The following DCC variants were observed in gnomAD, a reference collection of about 807,000 sequenced individuals.
DCC encodes DCC netrin 1 receptor, also known as netrin receptor DCC.
A neutral mutation model predicts 172.5 loss-of-function variants in DCC; 58 were observed. The observed-to-expected ratio is 0.34, with a 90% CI of 0.27 to 0.42. The LOEUF (loss-of-function observed/expected upper bound fraction) is 0.42. DCC is among the 10% of genes least tolerant of loss of function. DCC has a pLI of 1.00. For synonymous variants in DCC, 709 were observed against 644.5 expected, an observed-to-expected ratio of 1.10 and a Z score of -1.52; for missense variants, 1,740 against 1,791.0, an observed-to-expected ratio of 0.97 and a Z score of 0.51.
At chr18:52,898,912 T>G (rs2039771106) in intron 2 of DCC, among the ~76,000 whole-genome samples, 1 of 152,092 alleles carries the variant, frequency 6.6e-6, no homozygotes, top group South Asian at 2.1e-4. Flanking sequence ...CACTGATAAC[T>G]TTGTTCCTGG....
rs557031286 is a variant in DCC at position 53,474,044 on chromosome 18, A to T, written c.3736+6034A>T. 2.6e-5 allele frequency among the ~76,000 whole-genome samples: 4 copies of T among 152,286 alleles called. No individual in the cohort carries two copies. In the South Asian group the frequency reaches 8.3e-4, roughly 32 times the overall value. On this transcript the variant is annotated intron_variant, in intron 25 of 28. Coordinates refer to ENST00000442544, the MANE Select transcript of DCC (RefSeq NM_005215.4). ...TTTTTGTTATTTTTGTAATTATCAG[A>T]TAACAACACATACATGGTTTTAAAC...
At chr18:52,773,511 TA>T (rs1358978779) in intron 2 of DCC, among the ~76,000 whole-genome samples, 1 of 74,502 alleles carries the variant, frequency 1.3e-5, no homozygotes, top group African/African-American at 3.2e-5. Flanking sequence ...TATATATCTA[TA>T]TCTATCTATT....
chr18:52,564,948 G>A (rs2033125829), intron 1 of DCC, among the ~76,000 whole-genome samples: 1 of 152,048 alleles, frequency 6.6e-6, no homozygotes, highest in African/African-American at 2.4e-5. Context: ...AAGCCAAGAA[G>A]CTGATCTCTC....
At chr18:53,439,921 C>A (rs545187489) in intron 22 of DCC, among the ~76,000 whole-genome samples, 3 of 150,924 alleles carry the variant, frequency 2.0e-5, no homozygotes, top group Non-Finnish European at 3.0e-5. Context: ...CCCGCCACTA[C>A]GCCCGGCTAA....
At chr18:52,879,791 A>AC (rs2039456996) in intron 2 of DCC, among the ~76,000 whole-genome samples, 1 of 152,150 alleles carries the variant, frequency 6.6e-6, no homozygotes, top group African/African-American at 2.4e-5. Context: ...GACAATAGGT[A>AC]AACAAATGGG....
At chr18:53,528,201 T>C (rs1350231881) in intron 28 of DCC, among the ~76,000 whole-genome samples, 1 of 152,140 alleles carries the variant, frequency 6.6e-6, no homozygotes, top group Non-Finnish European at 1.5e-5. Flanking sequence ...GAACAATACA[T>C]TTTTCTTGAC....
At position 52,752,069 on chromosome 18, in the gene DCC, C is replaced by T. The variant is rs755736951; in HGVS notation, c.107C>T (p.Ala36Val). 3 of 1,614,066 alleles carry T rather than the reference C, an allele frequency of 1.9e-6. No homozygotes were observed. The highest frequency in any genetic ancestry group is 2.2e-5 in the South Asian group (2 of 91,070). The change falls in exon 2 of 29, where the codon GCT (alanine) becomes GTT (valine). Residue 36 changes from alanine (A) to valine (V), a missense_variant. Transcript: ENST00000442544. The stretch of plus-strand genomic sequence containing the variant: ...CTTGTTCCAGGTTTTCAAATTAAAG[C>T]TTTCACAGCACTGCGCTTCCTCTCA... The part of the protein sequence containing the change: ...HLQVTGFQIK[A>V]FTALRFLSEP...
chr18:52,497,260 CAAAAAAAAAA>C (rs111476286), intron 1 of DCC, among the ~76,000 whole-genome samples: 4 of 53,940 alleles, frequency 7.4e-5, no homozygotes, highest in African/African-American at 1.3e-4. Flanking sequence ...GACCCTGTAT[CAAAAAAAAAA>C]AAAAAAAAAA....
intron 27 of DCC, among the ~76,000 whole-genome samples, chr18:53,506,798 C>T (rs1418233795): frequency 6.7e-6 from 1 of 150,022 alleles, no homozygotes; most frequent in Non-Finnish European, 1.5e-5. Context: ...GCAGAGGTTG[C>T]AGTGAGCCAA....
At chr18:53,101,024 T>C (rs2043165070) in intron 7 of DCC, among the ~76,000 whole-genome samples, 1 of 152,146 alleles carries the variant, frequency 6.6e-6, no homozygotes, top group Non-Finnish European at 1.5e-5. Context: ...TTCATCTTGT[T>C]CCACACAATT....
At chr18:52,975,937 G>A (rs979228435) in intron 5 of DCC, among the ~76,000 whole-genome samples, 2 of 152,144 alleles carry the variant, frequency 1.3e-5, no homozygotes, top group Non-Finnish European at 1.5e-5. Flanking sequence ...TCACCACGCT[G>A]TCCTTCACAA....
At chr18:52,660,543 A>G (rs1226135171) in intron 1 of DCC, among the ~76,000 whole-genome samples, 1 of 152,208 alleles carries the variant, frequency 6.6e-6, no homozygotes, top group Admixed American at 6.5e-5. Flanking sequence ...CTGAGGGAGT[A>G]GAGTCCCCTG....
intron 1 of DCC, among the ~76,000 whole-genome samples, chr18:52,479,670 C>T (rs2029882265): frequency 6.7e-6 from 1 of 148,258 alleles, no homozygotes; most frequent in Non-Finnish European, 1.5e-5. Context: ...TGATTGTTAG[C>T]TAATCCATTC....
At chr18:53,116,386 G>A (rs181837551) in intron 7 of DCC, among the ~76,000 whole-genome samples, 1 of 151,848 alleles carries the variant, frequency 6.6e-6, no homozygotes, top group African/African-American at 2.4e-5. Flanking sequence ...AAGTGACAAA[G>A]TCATCTAGTT....
At chr18:53,095,002 A>G (rs979423486) in intron 7 of DCC, among the ~76,000 whole-genome samples, 2 of 152,158 alleles carry the variant, frequency 1.3e-5, no homozygotes, top group Non-Finnish European at 2.9e-5. Flanking sequence ...CTATTACTAC[A>G]CATTTTGAGA....
chr18:52,602,614 G>T lies in DCC; in HGVS notation c.92-149440G>T, dbSNP rs560462551. Among the ~76,000 whole-genome samples the T allele has an allele frequency of 2.3e-4, 35 of 151,876 alleles. 2 individuals are homozygous for T. The highest frequency in any genetic ancestry group is 3.4e-3 in the Middle Eastern group (1 of 292). On this transcript the variant is annotated intron_variant, in intron 1 of 28. Transcript: ENST00000442544. Reference sequence around the variant, plus strand: ...AGTAATATGCCTTTATTAAAATCACGTATATTCAACAATAAGTTGTCTCAT... The same window carrying T: ...AGTAATATGCCTTTATTAAAATCACTTATATTCAACAATAAGTTGTCTCAT...
chr18:53,149,743 G>A (rs545973255), intron 7 of DCC, among the ~76,000 whole-genome samples: 27 of 152,114 alleles, frequency 1.8e-4, no homozygotes, highest in African/African-American at 6.5e-4. Flanking sequence ...CCTTTTTTCT[G>A]AAAAGAGCTC....
chr18:52,663,503 G>T (rs889236746), intron 1 of DCC, among the ~76,000 whole-genome samples: 4 of 152,132 alleles, frequency 2.6e-5, no homozygotes, highest in Admixed American at 1.3e-4. Context: ...TTGTAGTTCT[G>T]TAGGGACAGT....
chr18:52,894,764 C>A (rs986668171), intron 2 of DCC, among the ~76,000 whole-genome samples: 1 of 152,030 alleles, frequency 6.6e-6, no homozygotes, highest in South Asian at 2.1e-4. Flanking sequence ...AGCAGTCAGG[C>A]AGAAGATGAA....
Sources: gnomAD v4.1 joint callset for allele counts (sites outside exome capture counted in the v4.1 genomes callset) on GRCh38, gnomAD v4.1.1 for gene constraint, MANE v1.5 for transcripts, NCBI Gene and HGNC (gene_info 2026-07-23, HGNC 2026-07-21) for gene names.